The following GBP2 variants were observed in gnomAD, a reference collection of about 807,000 sequenced individuals.
The protein encoded by GBP2 is guanylate binding protein 2, also known as guanylate-binding protein 2.
GBP2 carries 54 observed loss-of-function variants against 60.8 expected under a neutral mutation model. That is an observed-to-expected ratio of 0.89 (90% CI 0.71 to 1.11). The LOEUF is 1.11. GBP2 is among the 50% of genes most tolerant of loss of function. The pLI, the probability that GBP2 is intolerant of heterozygous loss-of-function variation, is 0.00. For synonymous variants in GBP2, 243 were observed against 256.5 expected, an observed-to-expected ratio of 0.95 and a Z score of 0.50; for missense variants, 665 against 703.3, an observed-to-expected ratio of 0.95 and a Z score of 0.62.
At position 89,114,353 on chromosome 1, in the gene GBP2, T is replaced by C. The variant is rs1681226455; in HGVS notation, c.869-57A>G. ...TATCAGTTGGTGGGACAGAATATTT[T>C]GTGTGCTTTTCAAGTGAGTGTCACA... On this transcript the variant is annotated intron_variant, in intron 6 of 10. Transcript: ENST00000370466. 9 of 1,580,572 alleles carry C rather than the reference T, an allele frequency of 5.7e-6. No homozygotes were observed. The South Asian group carries it at 1.0e-4, about 18-fold the overall frequency.
chr1:89,122,553 T>C (rs964981340), intron 1 of GBP2, among the ~76,000 whole-genome samples: 1 of 152,230 alleles, frequency 6.6e-6, no homozygotes, highest in African/African-American at 2.4e-5. Flanking sequence ...TACATTTTTT[T>C]TTGCAAATGT....
intron 1 of GBP2, among the ~76,000 whole-genome samples, chr1:89,122,874 C>A (rs2100621322): frequency 6.6e-6 from 1 of 152,276 alleles, no homozygotes; most frequent in South Asian, 2.1e-4. Context: ...TTTCTATTTT[C>A]ATTCCTTCTA....
intron 8 of GBP2, among the ~76,000 whole-genome samples, chr1:89,111,798 A>T (rs1359409950): frequency 6.6e-6 from 1 of 152,212 alleles, no homozygotes; most frequent in Non-Finnish European, 1.5e-5. Flanking sequence ...TAACTAAAAA[A>T]GTGTAATTGG....
At chr1:89,110,127 C>T (rs1255030794) in intron 9 of GBP2, 37 bp downstream of exon 9, 2 of 1,473,376 alleles carry the variant, frequency 1.4e-6, no homozygotes, top group East Asian at 2.3e-5. Flanking sequence ...ATTTTGAGAG[C>T]TTTCCGACCA....
At position 89,124,041 on chromosome 1, in the gene GBP2, C is replaced by T. The variant is rs1165472606; in HGVS notation, c.-18+1822G>A. On this transcript the variant is annotated intron_variant, in intron 1 of 10. Transcript: ENST00000370466. ...CACTTAGAAATATGGGAGTCTTTCC[C>T]TATCAGTTCGTAGGAAGATTTCTCA... Among the ~76,000 whole-genome samples the T allele has an allele frequency of 2.0e-5, 3 of 152,200 alleles. No homozygotes were observed. In the East Asian group the frequency reaches 5.8e-4, roughly 29 times the overall value.
At chr1:89,122,721 CT>C (rs1266546720) in intron 1 of GBP2, among the ~76,000 whole-genome samples, 1 of 152,072 alleles carries the variant, frequency 6.6e-6, no homozygotes, top group African/African-American at 2.4e-5. Context: ...CATTTTGTCA[CT>C]AAAAAGTACC....
intron 4 of GBP2, chr1:89,119,058 C>G (rs1681341467): frequency 6.6e-6 from 1 of 152,086 alleles, no homozygotes; most frequent in South Asian, 2.1e-4. Context: ...ATGTGATCAT[C>G]TGGGGACTGA....
intron 10 of GBP2, among the ~76,000 whole-genome samples, chr1:89,109,087 G>T (rs999896664): frequency 9.9e-5 from 15 of 151,978 alleles, no homozygotes; most frequent in African/African-American, 3.6e-4. Context: ...TAGAGACGGG[G>T]TTTCTCCATG....
intron 1 of GBP2, among the ~76,000 whole-genome samples, chr1:89,124,447 T>C (rs1354167159): frequency 1.3e-5 from 2 of 152,234 alleles, no homozygotes; most frequent in African/African-American, 4.8e-5. Flanking sequence ...TTGGAAACTT[T>C]TCACATTCAC....
chr1:89,113,424 A>T (rs1681205580), intron 7 of GBP2, among the ~76,000 whole-genome samples: 1 of 152,218 alleles, frequency 6.6e-6, no homozygotes, highest in Non-Finnish European at 1.5e-5. Flanking sequence ...GACATCGGCT[A>T]TCTAGCTTCA....
At position 89,114,927 on chromosome 1, in the gene GBP2, G is replaced by A. The variant is rs185346236; in HGVS notation, c.869-631C>T. On this transcript the variant is annotated intron_variant, in intron 6 of 10. Coordinates refer to ENST00000370466, the MANE Select transcript of GBP2 (RefSeq NM_004120.5). ...GGTTTTAAGTACCATCTGTATGGATGGCTGGTGTATTTTGTTTCCTGCTTT... is the reference window on the plus strand; with the variant it reads ...GGTTTTAAGTACCATCTGTATGGATAGCTGGTGTATTTTGTTTCCTGCTTT... 3.9e-3 allele frequency among the ~76,000 whole-genome samples: 592 copies of A among 152,190 alleles called. 8 individuals are homozygous for A. The highest frequency in any genetic ancestry group is 0.032 in the Admixed American group (484 of 15,290).
At chr1:89,124,992 A>AGAG (rs1681492211) in intron 1 of GBP2, among the ~76,000 whole-genome samples, 1 of 152,226 alleles carries the variant, frequency 6.6e-6, no homozygotes, top group Non-Finnish European at 1.5e-5. Flanking sequence ...AGCAGTATAT[A>AGAG]CACAATTGTA....
intron 8 of GBP2, among the ~76,000 whole-genome samples, chr1:89,111,419 C>T (rs1421283357): frequency 6.6e-6 from 1 of 152,058 alleles, no homozygotes; most frequent in Non-Finnish European, 1.5e-5. Context: ...AAAGATTCCA[C>T]ACCAAAAAAA....
At chr1:89,110,761 C>T (rs964151243) in intron 8 of GBP2, among the ~76,000 whole-genome samples, 13 of 152,142 alleles carry the variant, frequency 8.5e-5, no homozygotes, top group African/African-American at 2.9e-4. Context: ...ACACTGGGTA[C>T]AGTGTACACC....
At chr1:89,119,632 A>T in intron 4 of GBP2, 1 of 152,382 alleles carries the variant, frequency 6.6e-6, no homozygotes, top group Non-Finnish European at 1.5e-5. Context: ...GTGTAGTCTG[A>T]GGGCATATAT....
intron 4 of GBP2, 71 bp from the exon 5 acceptor site, chr1:89,117,844 T>TA: frequency 8.1e-7 from 1 of 1,237,134 alleles, no homozygotes; most frequent in Non-Finnish European, 1.1e-6. Flanking sequence ...AATGCTTACC[T>TA]AAAATAATTT....
rs143794213 is a variant in GBP2 at position 89,108,573 on chromosome 1, T to C, written c.1660-282A>G. On this transcript the variant is annotated intron_variant, in intron 10 of 10. Coordinates refer to ENST00000370466, the MANE Select transcript of GBP2 (RefSeq NM_004120.5). ...CTGGAAAAACCATAACTTTCTCTTG[T>C]TCTTTTTGTTGTTGTTGTTCATTTC... Among the ~76,000 whole-genome samples the C allele has an allele frequency of 7.9e-5, 12 of 152,328 alleles. No homozygotes were observed. The East Asian group carries it at 1.9e-3, about 24-fold the overall frequency.
chr1:89,121,805 C>T lies in GBP2; in HGVS notation c.162G>A (p.Leu54=). The T allele has an allele frequency of 6.2e-7, 1 of 1,613,930 alleles. No homozygotes were observed. Residue 54 remains leucine, a synonymous_variant, in exon 2 of 11, where the codon CTG becomes CTA. Coordinates refer to ENST00000370466, the MANE Select transcript of GBP2 (RefSeq NM_004120.5). ...TTTTCTTCCCAGCCAGCTTGTTCAT[C>T]AGGTAGGATTTGCCTGTGCGATAGA... ...VGLYRTGKSY[L]MNKLAGKKNG... is the part of the protein sequence containing the mutation.
Position 89,121,176 on chromosome 1 carries a change from C to G in GBP2, c.285G>C (p.Leu95=). ...HPKKPEHTLV[L]LDTEGLGDIE... ...TATCTCCCAGGCCCTCAGTGTCGAG[C>G]AGAACTAGGGTGTGTTCTGGCTTCT... The change falls in exon 3 of 11, where the codon CTG becomes CTC. Residue 95 remains leucine, a synonymous_variant. Transcript: ENST00000370466. The G allele has an allele frequency of 6.2e-7, 1 of 1,612,320 alleles. No individual in the cohort carries two copies. Among genetic ancestry groups the G allele is most frequent in the Non-Finnish European group, 8.5e-7 (1 of 1,179,156 alleles).
Sources: gnomAD v4.1 joint callset for allele counts (sites outside exome capture counted in the v4.1 genomes callset) on GRCh38, gnomAD v4.1.1 for gene constraint, MANE v1.5 for transcripts, NCBI Gene and HGNC (gene_info 2026-07-23, HGNC 2026-07-21) for gene names.